The following NRDC variants were observed in gnomAD, a reference collection of about 807,000 sequenced individuals.
NRDC encodes the protein nardilysin convertase.
NRDC carries 54 observed loss-of-function variants against 147.1 expected under a neutral mutation model. The observed-to-expected ratio is 0.37, with a 90% confidence interval of 0.29 to 0.46. The LOEUF is 0.46. NRDC is among the 20% of genes least tolerant of loss of function. The pLI, the probability that NRDC is intolerant of heterozygous loss-of-function variation, is 1.00. For missense variants in NRDC, 1,082 were observed against 1,370.6 expected, an observed-to-expected ratio of 0.79 and a Z score of 3.33; for synonymous variants, 440 against 482.1, an observed-to-expected ratio of 0.91 and a Z score of 1.14.
At chr1:51,818,712 AT>A (rs1319145910) in intron 9 of NRDC, among the ~76,000 whole-genome samples, 1 of 152,188 alleles carries the variant, frequency 6.6e-6, no homozygotes, top group Non-Finnish European at 1.5e-5. Context: ...ACAGTCACTG[AT>A]TAGGGGAAAG....
chr1:51,819,776 G>C (rs377152312), intron 9 of NRDC, 24 bp downstream of exon 9: 2 of 1,567,332 alleles, frequency 1.3e-6, no homozygotes, highest in Non-Finnish European at 1.7e-6. Context: ...ATTTCAAACA[G>C]TTTTAAACTT....
chr1:51,813,908 TG>T, intron 14 of NRDC, 126 bp downstream of exon 14: 1 of 684,732 alleles, frequency 1.5e-6, no homozygotes, highest in Non-Finnish European at 2.6e-6. Context: ...CAAGGCCACC[TG>T]GAGACTCACA....
chr1:51,858,471 TAAA>T (rs79682328), intron 1 of NRDC, among the ~76,000 whole-genome samples: 6 of 122,000 alleles, frequency 4.9e-5, no homozygotes, highest in Admixed American at 8.5e-5. Flanking sequence ...ACCCTGTCTT[TAAA>T]AAAAAAAAAA....
chr1:51,878,611 A>G lies in NRDC; in HGVS notation c.5T>C (p.Leu2Pro), dbSNP rs1485265836. 1.2e-6 allele frequency: 2 copies of G among 1,609,556 alleles called. No homozygotes were observed. M[L>P]RRVTVAAVCA... ...GACTGCAGCAACAGTGACTCTCCTCAGCATTCACCACCAAGCTGGAGCGAT... is the reference window on the plus strand; with the variant it reads ...GACTGCAGCAACAGTGACTCTCCTCGGCATTCACCACCAAGCTGGAGCGAT... Residue 2 changes from leucine to proline, a missense_variant, in exon 1 of 31, where the codon CTG becomes CCG. Around this residue, in one of 3 missense-constraint regions of NRDC, gnomAD observed 260 missense variants for 253.2 expected, o/e 1.03. Coordinates refer to ENST00000352171, the MANE Select transcript of NRDC (RefSeq NM_001101662.2).
At position 51,812,488 on chromosome 1, in the gene NRDC, A is replaced by G. The variant is rs551249929; in HGVS notation, c.1675-390T>C. Among the ~76,000 whole-genome samples the G allele has an allele frequency of 2.0e-5, 3 of 152,212 alleles. No individual in the cohort carries two copies. The East Asian group carries it at 5.8e-4, about 29-fold the overall frequency. On this transcript the variant is annotated intron_variant, in intron 14 of 30. Coordinates refer to ENST00000352171, the MANE Select transcript of NRDC (RefSeq NM_001101662.2). The stretch of plus-strand genomic sequence containing the variant: ...AGCTGCAGTGAGCTGAGATCGTGCC[A>G]CCATACTCCAGCATGGGCAACAAAG...
At chr1:51,829,965 C>CTTTT (rs941972546) in intron 4 of NRDC, among the ~76,000 whole-genome samples, 11 of 131,276 alleles carry the variant, frequency 8.4e-5, no homozygotes, top group South Asian at 2.4e-4. Flanking sequence ...TCTTTTATTT[C>CTTTT]TTTTTTTTTT....
chr1:51,816,416 GA>G lies in NRDC; in HGVS notation c.1362-28del, dbSNP rs757107226. The G allele has an allele frequency of 1.6e-5, 23 of 1,428,714 alleles. 1 individual carries two copies. In the Admixed American group the frequency reaches 3.8e-4, roughly 24 times the overall value. The allele number at this position is 1,428,714 out of a possible 1,614,324, so 88.5% of individuals were successfully genotyped here. A position where few individuals can be genotyped will look rare whatever the true frequency, so the allele number is the denominator to read the frequency against. ...TTTTAAAAAAATTTAATGGTCAGAAGAAAAAAACAAAAGGTATAAATACACC... is the reference window on the plus strand; with the variant it reads ...TTTTAAAAAAATTTAATGGTCAGAAGAAAAAACAAAAGGTATAAATACACC... On this transcript the variant is annotated intron_variant, in intron 10 of 30. Transcript: ENST00000352171.
chr1:51,818,656 G>A (rs774105297), intron 9 of NRDC, among the ~76,000 whole-genome samples: 4 of 152,160 alleles, frequency 2.6e-5, no homozygotes, highest in Non-Finnish European at 5.9e-5. Context: ...GAAAGAGTTA[G>A]TTTAATATTA....
chr1:51,871,782 C>T (rs1164560357), intron 1 of NRDC, among the ~76,000 whole-genome samples: 1 of 152,096 alleles, frequency 6.6e-6, no homozygotes, highest in Non-Finnish European at 1.5e-5. Flanking sequence ...GTATCTGCTC[C>T]CTGACTCTCC....
chr1:51,855,416 G>C (rs944971974), intron 1 of NRDC, among the ~76,000 whole-genome samples: 7 of 144,622 alleles, frequency 4.8e-5, no homozygotes. Context: ...TTTTATTTAA[G>C]AAAAAAAAAT....
rs1369984100 is a variant in NRDC at position 51,806,907 on chromosome 1, T to C, written c.1997A>G (p.Asp666Gly). Residue 666 changes from aspartate (D) to glycine (G), a missense_variant, in exon 18 of 31, where the codon GAC (aspartate) becomes GGC (glycine). Transcript: ENST00000352171. ...LPAENKYIATDFTLKAFDCPE... is the reference protein window; with the variant it reads ...LPAENKYIATGFTLKAFDCPE... ...GCAATCGAAAGCCTTCAACGTAAAG[T>C]CCGTGGCTAATAAAAGAAGATAATA... 1.2e-6 allele frequency: 2 copies of C among 1,612,610 alleles called. No individual in the cohort carries two copies. Among genetic ancestry groups the C allele is most frequent in the South Asian group, 2.2e-5 (2 of 90,736 alleles).
intron 25 of NRDC, 98 bp from the exon 26 acceptor site, chr1:51,792,196 T>A: frequency 6.6e-7 from 1 of 1,505,126 alleles, no homozygotes; most frequent in Middle Eastern, 2.2e-4. Flanking sequence ...AAGTCCAGCC[T>A]CCCTTAGTGC....
At chr1:51,850,383 G>T (rs935537893) in intron 1 of NRDC, among the ~76,000 whole-genome samples, 26 of 151,952 alleles carry the variant, frequency 1.7e-4, no homozygotes, top group African/African-American at 6.3e-4. Context: ...ATTTAGTGAG[G>T]AAAAAATAGC....
At chr1:51,828,816 T>G (rs2792596) in intron 4 of NRDC, among the ~76,000 whole-genome samples, 11,239 of 151,776 alleles carry the variant, frequency 0.074, 468 homozygotes, top group Middle Eastern at 0.22. Context: ...ACTGCCGGGT[T>G]CAAGCAATCC....
At chr1:51,792,910 GGACCA>G (rs777427484) in intron 24 of NRDC, among the ~76,000 whole-genome samples, 2 of 152,170 alleles carry the variant, frequency 1.3e-5, no homozygotes, top group Admixed American at 6.5e-5. Context: ...CCACGCTTTG[GGACCA>G]CATGCTAGCT....
chr1:51,806,857 T>C lies in NRDC; in HGVS notation c.2047A>G (p.Ile683Val). 1 of 1,614,086 alleles carries C rather than the reference T, an allele frequency of 6.2e-7. No homozygotes were observed. Among genetic ancestry groups the C allele is most frequent in the Non-Finnish European group, 8.5e-7 (1 of 1,179,944 alleles). The change falls in exon 18 of 31, where the codon ATT (isoleucine) becomes GTT (valine). Residue 683 changes from isoleucine (I) to valine (V), a missense_variant. Ile to Val is a conservative substitution (Grantham distance 29). Coordinates refer to ENST00000352171, the MANE Select transcript of NRDC (RefSeq NM_001101662.2). ...DCPETEYPVK[I>V]VNTPQGCLWY... The stretch of plus-strand genomic sequence containing the variant: ...AGGCAACCTTGTGGAGTATTCACAA[T>C]TTTAACTGGGTATTCTGTTTCCGGG...
chr1:51,860,464 G>A (rs1438462562), intron 1 of NRDC, among the ~76,000 whole-genome samples: 1 of 152,170 alleles, frequency 6.6e-6, no homozygotes, highest in African/African-American at 2.4e-5. Context: ...GCTGCAGCTA[G>A]CTCATTATAG....
chr1:51,869,948 T>C (rs1167075018), intron 1 of NRDC, among the ~76,000 whole-genome samples: 1 of 152,214 alleles, frequency 6.6e-6, no homozygotes, highest in Non-Finnish European at 1.5e-5. Flanking sequence ...GGATCTCATT[T>C]TGTTGCCCAG....
intron 1 of NRDC, among the ~76,000 whole-genome samples, chr1:51,861,639 G>GC (rs1274290764): frequency 6.6e-6 from 1 of 152,058 alleles, no homozygotes; most frequent in Non-Finnish European, 1.5e-5. Context: ...GAGCCACTGT[G>GC]CCTGGCTACA....
Sources: allele counts gnomAD v4.1 joint callset (sites outside exome capture counted in the v4.1 genomes callset), GRCh38; gene constraint gnomAD v4.1.1; regional missense constraint gnomAD v4.1.1; transcripts MANE v1.5; gene names NCBI Gene and HGNC (gene_info 2026-07-23, HGNC 2026-07-21).